NTF3: variants seen among roughly 807,000 people sequenced by gnomAD.
NTF3 encodes the protein neurotrophin-3.
In NTF3, 8 loss-of-function variants were observed where a neutral mutation model predicts 26.3. That is an observed-to-expected ratio of 0.30 (90% CI 0.18 to 0.55). The LOEUF is 0.55. NTF3 is among the 20% of genes least tolerant of loss of function. The pLI, the probability that NTF3 is intolerant of heterozygous loss-of-function variation, is 0.93. For synonymous variants in NTF3, 154 were observed against 145.5 expected, an observed-to-expected ratio of 1.06 and a Z score of -0.42; for missense variants, 276 against 352.9, an observed-to-expected ratio of 0.78 and a Z score of 1.75.
At chr12:5,432,672 A>G (rs1163954659) in intron 1 of NTF3, among the ~76,000 whole-genome samples, 1 of 150,364 alleles carries the variant, frequency 6.7e-6, no homozygotes, top group Non-Finnish European at 1.5e-5. Context: ...GCTTCCCTCA[A>G]TCTGGGAAAG....
Position 5,494,589 on chromosome 12 carries a change from C to T in NTF3, c.414C>T (p.Gly138=), listed in dbSNP as rs753885560. 8.7e-6 allele frequency: 14 copies of T among 1,613,984 alleles called. No homozygotes were observed. The South Asian group carries it at 1.5e-4, about 18-fold the overall frequency. The change falls in exon 2 of 2, where the codon GGC becomes GGT. Residue 138 remains glycine (G), a synonymous_variant. Transcript: ENST00000423158. This position sits in a 1 kb window ranked among gnomAD's most constrained non-coding sequence, Gnocchi z 8.3. ...PPLYLMEDYV[G]SPVVANRTSR... ...TGTATCTCATGGAGGATTACGTGGG[C>T]AGCCCCGTGGTGGCGAACAGAACAT...
chr12:5,448,569 A>G (rs1940334334), intron 1 of NTF3, among the ~76,000 whole-genome samples: 1 of 152,178 alleles, frequency 6.6e-6, no homozygotes, highest in African/African-American at 2.4e-5. Context: ...AAACCCAGAC[A>G]GTTATAATTT....
intron 1 of NTF3, among the ~76,000 whole-genome samples, chr12:5,435,726 G>A (rs1940159040): frequency 6.6e-6 from 1 of 152,140 alleles, no homozygotes; most frequent in African/African-American, 2.4e-5. Context: ...GAATGGTGAA[G>A]TCATGATCAA....
intron 1 of NTF3, among the ~76,000 whole-genome samples, chr12:5,449,446 G>A (rs1179988594): frequency 1.3e-5 from 2 of 152,094 alleles, no homozygotes; most frequent in African/African-American, 4.8e-5. Context: ...CATCTCTTGG[G>A]GTTCTACGTT....
At chr12:5,466,267 C>G (rs1940587835) in intron 1 of NTF3, among the ~76,000 whole-genome samples, 1 of 152,220 alleles carries the variant, frequency 6.6e-6, no homozygotes, top group African/African-American at 2.4e-5. Context: ...TAACCCAAGT[C>G]TGTCCGCTGC....
chr12:5,478,644 T>G (rs911997299), intron 1 of NTF3, among the ~76,000 whole-genome samples: 1 of 152,266 alleles, frequency 6.6e-6, no homozygotes, highest in African/African-American at 2.4e-5. Context: ...TGGAGTTTCC[T>G]CTATTAAACC....
chr12:5,472,421 T>C (rs1010904993), intron 1 of NTF3, among the ~76,000 whole-genome samples: 2 of 152,174 alleles, frequency 1.3e-5, no homozygotes, highest in African/African-American at 4.8e-5. Context: ...AAAATATTCG[T>C]CCTCATATTG....
At chr12:5,445,288 A>ATGTG (rs200578458) in intron 1 of NTF3, among the ~76,000 whole-genome samples, 2,540 of 101,508 alleles carry the variant, frequency 0.025, 72 homozygotes, top group African/African-American at 0.041. Context: ...GGATTAAATG[A>ATGTG]TGTGTGTGTG....
At chr12:5,483,842 T>C (rs1056911330) in intron 1 of NTF3, among the ~76,000 whole-genome samples, 4 of 152,186 alleles carry the variant, frequency 2.6e-5, no homozygotes, top group Non-Finnish European at 5.9e-5. Flanking sequence ...CCCAGAGTGA[T>C]TGCAGGTTTA....
intron 1 of NTF3, among the ~76,000 whole-genome samples, chr12:5,489,755 G>A (rs573689886): frequency 7.2e-5 from 11 of 152,274 alleles, no homozygotes; most frequent in East Asian, 1.9e-4. Context: ...GTCTCTGCAC[G>A]TGACAGGGCA....
intron 1 of NTF3, among the ~76,000 whole-genome samples, chr12:5,448,367 G>A (rs1473545187): frequency 6.6e-6 from 1 of 152,098 alleles, no homozygotes; most frequent in Non-Finnish European, 1.5e-5. Flanking sequence ...CATGGTGCTG[G>A]CTTTCCTGAG....
chr12:5,464,485 A>G (rs1295592846), intron 1 of NTF3, among the ~76,000 whole-genome samples: 1 of 152,226 alleles, frequency 6.6e-6, no homozygotes, highest in Non-Finnish European at 1.5e-5. Flanking sequence ...AATTGAAGAT[A>G]CTGTCAATCA....
At chr12:5,454,015 CT>C (rs568506885) in intron 1 of NTF3, among the ~76,000 whole-genome samples, 121 of 152,310 alleles carry the variant, frequency 7.9e-4, no homozygotes, top group African/African-American at 2.8e-3. Flanking sequence ...AAGACTACCC[CT>C]GAGAGTTGGG....
rs142736399 is a variant in NTF3, at chr12:5,456,199, G to A, written c.18+23857G>A. Among the ~76,000 whole-genome samples the A allele has an allele frequency of 1.8e-4, 27 of 152,332 alleles. No homozygotes were observed. The East Asian group carries it at 3.9e-3, about 22-fold the overall frequency. On this transcript the variant is annotated intron_variant, in intron 1 of 1. Coordinates refer to ENST00000423158, the MANE Select transcript of NTF3 (RefSeq NM_001102654.2). This position sits in a 1 kb window ranked among gnomAD's most constrained non-coding sequence, Gnocchi z 4.4. The stretch of plus-strand genomic sequence containing the variant: ...ACAGGATGCACTGCAAGCTTTAAAT[G>A]CGAGTGGCATCATCCCCTTCCGGTC...
chr12:5,433,677 T>G lies in NTF3; in HGVS notation c.18+1335T>G, dbSNP rs1378382516. Among the ~76,000 whole-genome samples the G allele has an allele frequency of 2.6e-5, 4 of 152,006 alleles. No individual in the cohort carries two copies. The highest frequency in any genetic ancestry group is 1.5e-5 in the Non-Finnish European group (1 of 67,990). On this transcript the variant is annotated intron_variant, in intron 1 of 1. Transcript: ENST00000423158. This position sits in a 1 kb window ranked among gnomAD's most constrained non-coding sequence, Gnocchi z 4.6. ...GCTGGAATCGAGGCTGGGGTGGGAT[T>G]GCCGGTGGGGGAAACACCGAAAAGA...
chr12:5,461,263 G>T (rs1207834271), intron 1 of NTF3, among the ~76,000 whole-genome samples: 1 of 152,138 alleles, frequency 6.6e-6, no homozygotes, highest in Non-Finnish European at 1.5e-5. Flanking sequence ...AGTCTGATTC[G>T]AGTTTAATCG....
intron 1 of NTF3, among the ~76,000 whole-genome samples, chr12:5,446,574 G>A (rs1940308111): frequency 6.6e-6 from 1 of 152,174 alleles, no homozygotes; most frequent in South Asian, 2.1e-4. Flanking sequence ...TCCCTGTTAG[G>A]AAGCCATGGC....
At chr12:5,446,133 T>C (rs1455002134) in intron 1 of NTF3, among the ~76,000 whole-genome samples, 1 of 152,104 alleles carries the variant, frequency 6.6e-6, no homozygotes, top group Non-Finnish European at 1.5e-5. Flanking sequence ...CAGGCAGATA[T>C]ACCAGGCTTA....
intron 1 of NTF3, among the ~76,000 whole-genome samples, chr12:5,450,786 C>T: frequency 6.6e-6 from 1 of 152,212 alleles, no homozygotes; most frequent in East Asian, 1.9e-4. Context: ...CTATGCTGTA[C>T]TTGTTTTTCT....
Sources: gnomAD v4.1 joint callset for allele counts (sites outside exome capture counted in the v4.1 genomes callset) on GRCh38, gnomAD v4.1.1 for gene constraint, Gnocchi (gnomAD v3.1) non-coding constraint, MANE v1.5 for transcripts, NCBI Gene and HGNC (gene_info 2026-07-23, HGNC 2026-07-21) for gene names.